The following KANSL3 variants were observed in gnomAD, a reference collection of about 807,000 sequenced individuals.
KANSL3 encodes KAT8 regulatory NSL complex subunit 3.
A neutral mutation model predicts 89.2 loss-of-function variants in KANSL3; 16 were observed. The observed-to-expected ratio is 0.18, with a 90% CI of 0.12 to 0.27. KANSL3 has a LOEUF of 0.27. KANSL3 is among the 10% of genes least tolerant of loss of function. KANSL3 has a pLI of 1.00. For synonymous variants in KANSL3, 385 were observed against 419.7 expected, an observed-to-expected ratio of 0.92 and a Z score of 1.01; for missense variants, 879 against 1,110.6, an observed-to-expected ratio of 0.79 and a Z score of 2.96.
intron 14 of KANSL3, 117 bp from the exon 15 acceptor site, chr2:96,605,628 T>A (rs1415198114): frequency 2.4e-6 from 2 of 838,814 alleles, no homozygotes; most frequent in Non-Finnish European, 3.9e-6. Context: ...GGATAACCAC[T>A]CTACGTACAG....
intron 3 of KANSL3, chr2:96,628,675 C>T (rs1270787641): frequency 6.6e-6 from 1 of 152,200 alleles, no homozygotes; most frequent in African/African-American, 2.4e-5. Flanking sequence ...AAAAAAGAAA[C>T]AAACTGGTAT....
chr2:96,601,267 CA>C, intron 20 of KANSL3: 1 of 971,098 alleles, frequency 1.0e-6, no homozygotes, highest in Middle Eastern at 5.3e-4. Context: ...GACTCCATCT[CA>C]AAAAATAAAA....
chr2:96,635,441 C>T (rs1050451377), intron 2 of KANSL3, among the ~76,000 whole-genome samples: 3 of 152,178 alleles, frequency 2.0e-5, no homozygotes, highest in Non-Finnish European at 2.9e-5. Flanking sequence ...CACAGAATCT[C>T]ACTTTAAGAA....
downstream of KANSL3, among the ~76,000 whole-genome samples, chr2:96,589,518 T>C (rs2104761798): frequency 6.6e-6 from 1 of 152,310 alleles, no homozygotes; most frequent in South Asian, 2.1e-4. Flanking sequence ...TAAAAGTGTA[T>C]GTACCAAATA....
intron 1 of KANSL3, 72 bp downstream of exon 1, chr2:96,638,210 AC>A: frequency 6.7e-6 from 1 of 149,428 alleles, no homozygotes; most frequent in Non-Finnish European, 1.5e-5. Context: ...CCTCGCCGAG[AC>A]CCCCGGCCGT....
At chr2:96,629,141 T>TG (rs1162290909) in intron 3 of KANSL3, among the ~76,000 whole-genome samples, 2 of 152,202 alleles carry the variant, frequency 1.3e-5, no homozygotes, top group African/African-American at 4.8e-5. Flanking sequence ...ATACAATGTC[T>TG]GGCACCTAGA....
chr2:96,582,115 G>A, the KANSL3 span, among the ~76,000 whole-genome samples: 2 of 152,104 alleles, frequency 1.3e-5, no homozygotes, highest in African/African-American at 4.8e-5. Context: ...ACTCGGCCAG[G>A]TGCGGTGGCT....
Position 96,612,628 on chromosome 2 carries a change from C to T in KANSL3, c.913-65G>A. ...TTTCAAATCTTTCAATTCTGTTTAA[C>T]CTAACCTAAACCCAAAACCTTGGAA... On this transcript the variant is annotated intron_variant, in intron 7 of 20. Coordinates refer to ENST00000431828, the MANE Select transcript of KANSL3 (RefSeq NM_001115016.3). The T allele has an allele frequency of 2.1e-6, 3 of 1,432,666 alleles. No homozygotes were observed. In the South Asian group the frequency reaches 3.6e-5, roughly 17 times the overall value. The allele number at this position is 1,432,666 out of a possible 1,614,324, so 88.7% of individuals were successfully genotyped here.
rs755218981 is a variant in KANSL3 at position 96,619,415 on chromosome 2, A to G, written c.607T>C (p.Leu203=). ...TAGGCTGCCAGCATGGGCAGACTCA[A>G]GGTCTCCACAAGGGTGGTGTGCAGC... ...QWLHTTLVET[L]SLPMLAAYLD... The change falls in exon 5 of 21, where the codon TTG becomes CTG. Residue 203 remains leucine (L), a synonymous_variant. Transcript: ENST00000431828. 4 of 1,613,660 alleles carry G rather than the reference A, an allele frequency of 2.5e-6. No homozygotes were observed. The Admixed American group carries it at 5.0e-5, about 20-fold the overall frequency.
intron 14 of KANSL3, chr2:96,607,104 G>T (rs2068095921): frequency 9.0e-7 from 1 of 1,109,848 alleles, no homozygotes; most frequent in Non-Finnish European, 1.2e-6. Context: ...GGGAGAAAAA[G>T]AGAGGGAATA....
intron 20 of KANSL3, chr2:96,597,987 A>C: frequency 2.3e-6 from 1 of 433,338 alleles, no homozygotes; most frequent in Non-Finnish European, 3.1e-6. Context: ...CTGTGCTTCA[A>C]CTGAGCTCCA....
intron 3 of KANSL3, among the ~76,000 whole-genome samples, chr2:96,625,641 T>C (rs967914616): frequency 2.6e-5 from 4 of 152,218 alleles, no homozygotes; most frequent in African/African-American, 9.6e-5. Context: ...ATTATTACCA[T>C]ACACCAATGA....
the KANSL3 span, among the ~76,000 whole-genome samples, chr2:96,582,068 T>A: frequency 6.6e-6 from 1 of 152,178 alleles, no homozygotes; most frequent in Non-Finnish European, 1.5e-5. Flanking sequence ...TATTTTTCTC[T>A]CCCCCAGATA....
chr2:96,616,954 A>C (rs1270549632), intron 5 of KANSL3, among the ~76,000 whole-genome samples: 1 of 152,232 alleles, frequency 6.6e-6, no homozygotes, highest in Admixed American at 6.5e-5. Context: ...CAGTGAGTGA[A>C]GCAGGGTCAC....
intron 3 of KANSL3, chr2:96,628,569 C>G (rs1320110831): frequency 6.1e-6 from 1 of 164,162 alleles, no homozygotes; most frequent in Non-Finnish European, 1.3e-5. Context: ...CCGGGAGAAT[C>G]ACCTGAGTCC....
chr2:96,596,921 A>C (rs1227028901), intron 20 of KANSL3, among the ~76,000 whole-genome samples: 2 of 152,218 alleles, frequency 1.3e-5, no homozygotes, highest in East Asian at 3.9e-4. Flanking sequence ...GGCACAACAT[A>C]GTCTCTGTCT....
chr2:96,581,050 C>G, the KANSL3 span, among the ~76,000 whole-genome samples: 1 of 152,280 alleles, frequency 6.6e-6, no homozygotes, highest in African/African-American at 2.4e-5. Context: ...TGTTTTGAGT[C>G]TCAGGTCCCT....
At chr2:96,610,645 C>G in intron 11 of KANSL3, 81 bp downstream of exon 11, 2 of 1,519,412 alleles carry the variant, frequency 1.3e-6, no homozygotes, top group Non-Finnish European at 1.8e-6. Context: ...CCAGACTGGT[C>G]TGTAGTTACA....
intron 5 of KANSL3, among the ~76,000 whole-genome samples, chr2:96,614,797 G>GAAAGAAAA (rs1405974883): frequency 4.1e-5 from 6 of 145,400 alleles, no homozygotes; most frequent in African/African-American, 1.5e-4. Flanking sequence ...AAAAAAGAAA[G>GAAAGAAAA]AAAGAAAAAA....
Sources: allele counts gnomAD v4.1 joint callset (sites outside exome capture counted in the v4.1 genomes callset), GRCh38; gene constraint gnomAD v4.1.1; transcripts MANE v1.5; gene names NCBI Gene and HGNC (gene_info 2026-07-23, HGNC 2026-07-21).